EOGT: variants seen among roughly 807,000 people sequenced by gnomAD.
EOGT encodes the protein EGF domain specific O-linked N-acetylglucosamine transferase, also known as EGF domain-specific O-linked N-acetylglucosamine transferase.
A neutral mutation model predicts 70.5 loss-of-function variants in EOGT; 55 were observed. The observed-to-expected ratio is 0.78, with a 90% CI of 0.63 to 0.98. The LOEUF (loss-of-function observed/expected upper bound fraction) is 0.98. Ranked by LOEUF, EOGT falls within the 50% of genes least tolerant of loss-of-function variation. EOGT has a pLI of 0.00. For synonymous variants in EOGT, 246 were observed against 217.1 expected (o/e 1.13, Z -1.17); for missense variants, 703 against 641.9 (o/e 1.10, Z -1.03).
intron 7 of EOGT, among the ~76,000 whole-genome samples, 156 bp from the exon 8 acceptor site, chr3:69,004,638 C>A (rs1055183410): frequency 6.6e-6 from 1 of 152,104 alleles, no homozygotes; most frequent in Non-Finnish European, 1.5e-5. Context: ...ATGAAAGTAA[C>A]AGAATCCTAT....
At chr3:69,007,642 A>T (rs1010848855) in intron 6 of EOGT, 71 bp downstream of exon 6, 7 of 1,054,070 alleles carry the variant, frequency 6.6e-6, no homozygotes, top group Non-Finnish European at 9.7e-6. Flanking sequence ...ATAGACAGAA[A>T]CTCCGTCTCA....
chr3:69,005,789 C>G (rs2091424990), intron 6 of EOGT, among the ~76,000 whole-genome samples: 1 of 152,140 alleles, frequency 6.6e-6, no homozygotes, highest in Non-Finnish European at 1.5e-5. Context: ...GCTACCAGAG[C>G]CTGATTCTAT....
intron 14 of EOGT, among the ~76,000 whole-genome samples, chr3:68,983,912 G>C (rs762182378): frequency 3.9e-5 from 6 of 152,130 alleles, no homozygotes; most frequent in Non-Finnish European, 7.3e-5. Context: ...GCAGTGAGCC[G>C]AGATCGTGCC....
At chr3:68,997,189 T>C (rs1172597337) in intron 10 of EOGT, among the ~76,000 whole-genome samples, 1 of 152,196 alleles carries the variant, frequency 6.6e-6, no homozygotes, top group Non-Finnish European at 1.5e-5. Flanking sequence ...CACATGCATT[T>C]ATGTGCATGC....
Position 69,007,711 on chromosome 3 carries a change from A to G in EOGT, c.420+2T>C. On this transcript the variant is annotated splice_donor_variant, in intron 6 of 17. Coordinates refer to ENST00000383701, the MANE Select transcript of EOGT (RefSeq NM_001278689.2). LOFTEE classifies it high-confidence loss of function. ...TTATTTAGTAAGGAGCAAAATACCC[A>G]CCGTTTCCTTAGGCTGACAGAGCAC... 6.3e-7 allele frequency: 1 copy of G among 1,577,370 alleles called. No individual in the cohort carries two copies. Among genetic ancestry groups the G allele is most frequent in the Non-Finnish European group, 8.6e-7 (1 of 1,157,054 alleles).
At chr3:68,999,428 G>A (rs1418127015) in intron 9 of EOGT, among the ~76,000 whole-genome samples, 1 of 152,144 alleles carries the variant, frequency 6.6e-6, no homozygotes, top group Non-Finnish European at 1.5e-5. Context: ...GAAATTCCAA[G>A]AACTGACACT....
At chr3:68,987,913 A>T (rs2090862722) in intron 13 of EOGT, 3 of 322,286 alleles carry the variant, frequency 9.3e-6, no homozygotes, top group Non-Finnish European at 1.7e-5. Context: ...CCAGGTCAGA[A>T]AATGTTTTTG....
Position 68,976,537 on chromosome 3 carries a change from T to C in EOGT, c.*1081A>G, listed in dbSNP as rs1442361734. 6.6e-6 allele frequency: 1 copy of C among 152,164 alleles called. No individual in the cohort carries two copies. The highest frequency in any genetic ancestry group is 1.5e-5 in the Non-Finnish European group (1 of 68,028). The allele number at this position is 152,164 out of a possible 1,614,324, so 9.4% of individuals were successfully genotyped here. ...ATGAAACATGTAATATAAATTAATA[T>C]AGTGGCATGATTTATTCAGGTTCTC... On this transcript the variant is annotated 3_prime_UTR_variant, in exon 18 of 18. Coordinates refer to ENST00000383701, the MANE Select transcript of EOGT (RefSeq NM_001278689.2).
rs2090585209 is a variant in EOGT at position 68,979,831 on chromosome 3, G to A, written c.1215-44C>T. ...ACATGAGAGAGATGGGGAGAAGAGA[G>A]AAGTATTAGGTTGAGTTAGTTCATG... On this transcript the variant is annotated intron_variant, in intron 15 of 17. Transcript: ENST00000383701. 1.9e-6 allele frequency: 3 copies of A among 1,598,398 alleles called. No homozygotes were observed. The South Asian group carries it at 3.3e-5, about 18-fold the overall frequency.
intron 10 of EOGT, among the ~76,000 whole-genome samples, chr3:68,994,424 A>G (rs1236686365): frequency 6.6e-6 from 1 of 152,172 alleles, no homozygotes; most frequent in Non-Finnish European, 1.5e-5. Context: ...AGGAAGAAGG[A>G]GACTTTTTTA....
At chr3:68,991,071 A>C (rs1179119104) in intron 10 of EOGT, among the ~76,000 whole-genome samples, 3 of 152,178 alleles carry the variant, frequency 2.0e-5, no homozygotes, top group Non-Finnish European at 2.9e-5. Flanking sequence ...CTTCAGATAA[A>C]ATAAAATATG....
At chr3:68,982,158 C>A (rs567933615) in intron 15 of EOGT, among the ~76,000 whole-genome samples, 31 of 152,292 alleles carry the variant, frequency 2.0e-4, no homozygotes, top group African/African-American at 7.2e-4. Context: ...ATCCACCCAT[C>A]TCAGTCTCCC....
At chr3:68,998,228 G>A in intron 9 of EOGT, 114 bp from the exon 10 acceptor site, 4 of 636,424 alleles carry the variant, frequency 6.3e-6, no homozygotes, top group Non-Finnish European at 1.1e-5. Context: ...AAATAAATGG[G>A]GAAAAAAATA....
At chr3:68,981,098 C>T (rs2090627628) in intron 15 of EOGT, among the ~76,000 whole-genome samples, 1 of 152,198 alleles carries the variant, frequency 6.6e-6, no homozygotes, top group African/African-American at 2.4e-5. Flanking sequence ...GCAGATTTTA[C>T]ATAATCTGTA....
At chr3:68,978,250 CA>C (rs2090527834) in intron 17 of EOGT, 82 bp downstream of exon 17, 2 of 996,542 alleles carry the variant, frequency 2.0e-6, no homozygotes, top group African/African-American at 1.6e-5. Flanking sequence ...CACTGAAGTT[CA>C]ATAACCATTT....
At chr3:68,981,992 T>C (rs1434734910) in intron 15 of EOGT, among the ~76,000 whole-genome samples, 2 of 151,996 alleles carry the variant, frequency 1.3e-5, no homozygotes, top group Admixed American at 6.6e-5. Context: ...CTTCAACTTC[T>C]ACCTCCTGGG....
At position 69,004,379 on chromosome 3, in the gene EOGT, A is replaced by G. The variant is rs2091383814; in HGVS notation, c.619T>C (p.Trp207Arg). The change falls in exon 8 of 18, where the codon TGG becomes CGG. Residue 207 changes from tryptophan to arginine, a missense_variant and splice_region_variant. Coordinates refer to ENST00000383701, the MANE Select transcript of EOGT (RefSeq NM_001278689.2). ...EGQRKSPLQS[W>R]FAELQSYTQL... is the part of the protein sequence containing the mutation. ...ACAGATACGTTAAAAATATCTTACC[A>G]TGACTGCAGAGGGCTTTTGCGCTGA... 6.2e-7 allele frequency: 1 copy of G among 1,610,120 alleles called. No homozygotes were observed. Among genetic ancestry groups the G allele is most frequent in the African/African-American group, 1.3e-5 (1 of 74,930 alleles).
rs1266624707 is a variant in EOGT, at chr3:69,008,506, T to A, written c.233A>T (p.Tyr78Phe). 1 of 1,613,910 alleles carries A rather than the reference T, an allele frequency of 6.2e-7. No homozygotes were observed. Among genetic ancestry groups the A allele is most frequent in the Non-Finnish European group, 8.5e-7 (1 of 1,179,894 alleles). Residue 78 changes from tyrosine to phenylalanine, a missense_variant, in exon 5 of 18, where the codon TAC becomes TTC. Coordinates refer to ENST00000383701, the MANE Select transcript of EOGT (RefSeq NM_001278689.2). ...GCAGGATTTCTCATAACCCCAGCAG[T>A]ACTTTAGCTTCTCTAGGTGTTTCTA... ...PYKKHLEKLK[Y>F]CWGYEKSCKP...
At position 68,989,030 on chromosome 3, in the gene EOGT, A is replaced by G. The variant is rs765776275; in HGVS notation, c.832-13T>C. 3.4e-6 allele frequency: 5 copies of G among 1,468,732 alleles called. No homozygotes were observed. The highest frequency in any genetic ancestry group is 4.6e-6 in the Non-Finnish European group (5 of 1,093,298). 91.0% of individuals were successfully genotyped at this position (1,468,732 alleles called of 1,614,324 possible). On this transcript the variant is annotated splice_polypyrimidine_tract_variant and intron_variant, in intron 10 of 17. Coordinates refer to ENST00000383701, the MANE Select transcript of EOGT (RefSeq NM_001278689.2). ...ATCCGTAAGAACTCTGAAAGTAGAA[A>G]CAAAACAAGGTTTTAGGGCAATAAA...
Sources: gnomAD v4.1 joint callset for allele counts (sites outside exome capture counted in the v4.1 genomes callset) on GRCh38, gnomAD v4.1.1 for gene constraint, MANE v1.5 for transcripts, NCBI Gene and HGNC (gene_info 2026-07-23, HGNC 2026-07-21) for gene names.